Variants in ATP5PF observed in about 807,000 individuals in gnomAD.
ATP5PF encodes the protein ATP synthase peripheral stalk subunit F6, mitochondrial.
In ATP5PF, 7 loss-of-function variants were observed where a neutral mutation model predicts 12.0. The observed-to-expected ratio is 0.58, with a 90% CI of 0.33 to 1.10. The LOEUF (loss-of-function observed/expected upper bound fraction) is 1.10. Ranked by LOEUF, ATP5PF falls within the 50% of genes least tolerant of loss-of-function variation. ATP5PF has a pLI of 0.03. For missense variants in ATP5PF, 120 were observed against 127.7 expected, an observed-to-expected ratio of 0.94 and a Z score of 0.29; for synonymous variants, 41 against 45.4, an observed-to-expected ratio of 0.90 and a Z score of 0.39.
intron 1 of ATP5PF, among the ~76,000 whole-genome samples, chr21:25,730,715 C>G (rs2034740777): frequency 1.2e-5 from 1 of 85,908 alleles, no homozygotes; most frequent in Non-Finnish European, 2.3e-5. Context: ...GCCTGGGCAA[C>G]AAGAGCAAGA....
At chr21:25,734,730 G>A (rs2034950657) in intron 1 of ATP5PF, 123 bp downstream of exon 1, 1 of 1,002,724 alleles carries the variant, frequency 1.0e-6, no homozygotes, top group Non-Finnish European at 1.4e-6. Flanking sequence ...AGGCCGTGAA[G>A]GTCCCCAGGA....
At position 25,725,719 on chromosome 21, in the gene ATP5PF, G is replaced by A. The variant is rs138437604; in HGVS notation, c.165-369C>T. 5.8e-3 allele frequency among the ~76,000 whole-genome samples: 890 copies of A among 152,286 alleles called. 6 individuals are homozygous for A. The highest frequency in any genetic ancestry group is 0.02 in the African/African-American group (823 of 41,560). On this transcript the variant is annotated intron_variant, in intron 2 of 3. Transcript: ENST00000284971. ...TCCCATAAGTGCTCGGATTACAGGC[G>A]TGAGCCACCACACCCGGCCAATAGA... is the stretch of plus-strand genomic sequence containing the variant.
chr21:25,733,006 A>AC (rs1397652450), intron 1 of ATP5PF, among the ~76,000 whole-genome samples: 5 of 151,216 alleles, frequency 3.3e-5, no homozygotes, highest in Non-Finnish European at 5.9e-5. Flanking sequence ...AAAAAAAAAA[A>AC]AAAAAAGAAA....
chr21:25,726,813 A>C (rs933307613), intron 2 of ATP5PF, among the ~76,000 whole-genome samples: 16 of 152,230 alleles, frequency 1.1e-4, no homozygotes, highest in African/African-American at 3.9e-4. Context: ...AAAAATGTAC[A>C]CATGAAAATT....
chr21:25,727,593 G>C (rs2034650725), intron 2 of ATP5PF, among the ~76,000 whole-genome samples: 1 of 152,178 alleles, frequency 6.6e-6, no homozygotes, highest in Admixed American at 6.5e-5. Flanking sequence ...TCTACCCTCA[G>C]AACTCTCCAT....
chr21:25,734,450 T>G (rs1471766747), intron 1 of ATP5PF: 2 of 894,000 alleles, frequency 2.2e-6, no homozygotes, highest in Non-Finnish European at 2.7e-6. Context: ...ACTTTCAATA[T>G]TATGACTAAT....
At chr21:25,728,301 T>C (rs752930259) in intron 2 of ATP5PF, among the ~76,000 whole-genome samples, 2 of 152,198 alleles carry the variant, frequency 1.3e-5, no homozygotes, top group African/African-American at 2.4e-5. Context: ...CCACATATCT[T>C]ACTTGCTCAG....
intron 1 of ATP5PF, among the ~76,000 whole-genome samples, chr21:25,734,087 A>T (rs1206292048): frequency 6.6e-6 from 1 of 151,954 alleles, no homozygotes; most frequent in Non-Finnish European, 1.5e-5. Flanking sequence ...AATCCCTTTC[A>T]TTTTTTTTCA....
In ATP5PF at chr21:25,726,757, A is replaced by G. The variant is rs183318007; in HGVS notation, c.165-1407T>C. ...TTGAAGAAATTCTTCTGTTTTTGTC[A>G]TAAATACTACTGCCTACCTAGCAAT... On this transcript the variant is annotated intron_variant, in intron 2 of 3. Coordinates refer to ENST00000284971, the MANE Select transcript of ATP5PF (RefSeq NM_001003703.2). Among the ~76,000 whole-genome samples the G allele has an allele frequency of 9.2e-5, 14 of 152,352 alleles. No individual in the cohort carries two copies. In the East Asian group the frequency reaches 2.5e-3, roughly 27 times the overall value.
chr21:25,728,765 T>C (rs1273872075), intron 2 of ATP5PF, among the ~76,000 whole-genome samples: 2 of 152,226 alleles, frequency 1.3e-5, no homozygotes, highest in Non-Finnish European at 2.9e-5. Flanking sequence ...GAAAGGAGTA[T>C]TCTTTCCTAT....
chr21:25,735,120 C>A, upstream of ATP5PF: 1 of 717,544 alleles, frequency 1.4e-6, no homozygotes, highest in South Asian at 1.6e-5. Context: ...TTTTCTTCGC[C>A]TAATTTGACC....
At chr21:25,726,248 T>C (rs2034615938) in intron 2 of ATP5PF, among the ~76,000 whole-genome samples, 1 of 152,192 alleles carries the variant, frequency 6.6e-6, no homozygotes, top group Admixed American at 6.5e-5. Context: ...GGGGTCCTAT[T>C]AAAGAAGCAA....
chr21:25,734,497 G>C (rs748377958), intron 1 of ATP5PF: 11 of 692,434 alleles, frequency 1.6e-5, no homozygotes, highest in Non-Finnish European at 2.0e-5. Context: ...TGCCTAAGTA[G>C]CCTAGACGCT....
rs149413580 is a variant in ATP5PF, at chr21:25,728,507, T to C, written c.164+1124A>G. 7.1e-3 allele frequency among the ~76,000 whole-genome samples: 1,076 copies of C among 152,302 alleles called. 11 individuals carry two copies. The highest frequency in any genetic ancestry group is 0.012 in the Non-Finnish European group (792 of 68,036). On this transcript the variant is annotated intron_variant, in intron 2 of 3. Transcript: ENST00000284971. ...CCTAAAAGATACTCTCCTCTTACCC[T>C]CATTTATCTGTCCAACCTTCATACA...
chr21:25,731,539 C>A (rs1416598485), intron 1 of ATP5PF, among the ~76,000 whole-genome samples: 1 of 151,776 alleles, frequency 6.6e-6, no homozygotes, highest in Non-Finnish European at 1.5e-5. Context: ...TGTGTGCCAT[C>A]ACACCAGGCT....
upstream of ATP5PF, chr21:25,735,076 T>C (rs1238968724): frequency 1.0e-6 from 1 of 1,001,824 alleles, no homozygotes; most frequent in Non-Finnish European, 1.5e-6. Flanking sequence ...GGAGGGTAAG[T>C]GCTTCCGGGT....
chr21:25,725,494 C>T (rs78086627), intron 2 of ATP5PF, 144 bp from the exon 3 acceptor site: 31,705 of 909,966 alleles, frequency 0.035, 752 homozygotes, highest in South Asian at 0.055. Flanking sequence ...GGCTGGAGTG[C>T]GGTAGCATGA....
intron 1 of ATP5PF, among the ~76,000 whole-genome samples, chr21:25,731,865 G>A (rs570213797): frequency 3.3e-5 from 5 of 151,948 alleles, no homozygotes; most frequent in Admixed American, 2.0e-4. Context: ...AGGGAGGATT[G>A]TTTGAACTCA....
upstream of ATP5PF, chr21:25,735,046 G>T: frequency 2.2e-6 from 3 of 1,355,202 alleles, no homozygotes; most frequent in East Asian, 7.5e-5. Flanking sequence ...TGAGACAGAA[G>T]CCAAACAGGA....
Sources: allele counts gnomAD v4.1 joint callset (sites outside exome capture counted in the v4.1 genomes callset), GRCh38; gene constraint gnomAD v4.1.1; transcripts MANE v1.5; gene names NCBI Gene and HGNC (gene_info 2026-07-23, HGNC 2026-07-21).